PPM1M: variants seen among roughly 807,000 people sequenced by gnomAD.
The protein encoded by PPM1M is protein phosphatase 1M.
PPM1M carries 44 observed loss-of-function variants against 50.8 expected under a neutral mutation model. That is an observed-to-expected ratio of 0.87 (90% CI 0.68 to 1.11). The LOEUF (loss-of-function observed/expected upper bound fraction) is 1.11, where lower values mean the gene tolerates loss of function less well. PPM1M is among the 50% of genes most tolerant of loss of function. PPM1M has a pLI of 0.00. For missense variants in PPM1M, 556 were observed against 593.4 expected (o/e 0.94, Z 0.66); for synonymous variants, 224 against 242.9 (o/e 0.92, Z 0.72).
chr3:52,247,249 T>TG, intron 3 of PPM1M, 21 bp downstream of exon 3: 5 of 1,595,032 alleles, frequency 3.1e-6, no homozygotes, highest in Middle Eastern at 1.7e-4. Context: ...GGCTTTTGGC[T>TG]GGGGAAGAAG....
rs1199458189 is a variant in PPM1M at position 52,245,911 on chromosome 3, G to A, written c.87G>A (p.Val29=). The change falls in exon 1 of 10, where the codon GTG becomes GTA. Residue 29 remains valine, a synonymous_variant. Coordinates refer to ENST00000323588, the MANE Select transcript of PPM1M (RefSeq NM_144641.4). The surrounding 1 kb of genome is among the most constrained non-coding windows in gnomAD (Gnocchi z 4.8). The stretch of plus-strand genomic sequence containing the variant: ...CGCCTGGGCCGCATGCCAGCCCCGT[G>A]CCCTACCGACGGCCCCGCTTCCTTC... ...PRPPGPHASP[V]PYRRPRFLRG... is the part of the protein sequence containing the mutation. 2.8e-5 allele frequency: 34 copies of A among 1,229,670 alleles called. No homozygotes were observed. The highest frequency in any genetic ancestry group is 3.3e-5 in the Non-Finnish European group (32 of 961,378). The allele number at this position is 1,229,670 out of a possible 1,614,324, so 76.2% of individuals were successfully genotyped here.
Position 52,249,918 on chromosome 3 carries a change from C to A in PPM1M, c.*104C>A. 3 of 1,013,932 alleles carry A rather than the reference C, an allele frequency of 3.0e-6. No individual in the cohort carries two copies. Among genetic ancestry groups the A allele is most frequent in the Non-Finnish European group, 4.4e-6 (3 of 684,558 alleles). The allele number at this position is 1,013,932 out of a possible 1,614,324, so 62.8% of individuals were successfully genotyped here. ...ATCCTGCCTGCCCTATCCCTAGCCA[C>A]CGCCCAGTGCTCTCACTATCCACCT... On this transcript the variant is annotated 3_prime_UTR_variant, in exon 10 of 10. Transcript: ENST00000323588.
intron 1 of PPM1M, chr3:52,246,441 G>A: frequency 1.1e-6 from 1 of 894,950 alleles, no homozygotes; most frequent in Non-Finnish European, 1.5e-6. Flanking sequence ...GGCAGGAATG[G>A]CAACCTACCC....
intron 2 of PPM1M, 65 bp from the exon 3 acceptor site, chr3:52,246,909 T>C (rs1044533200): frequency 4.6e-6 from 7 of 1,518,760 alleles, no homozygotes; most frequent in Non-Finnish European, 6.2e-6. Context: ...AGGTCCTAGT[T>C]AGGTTGCGTC....
At chr3:52,249,593 T>C in intron 9 of PPM1M, 77 bp from the exon 10 acceptor site, 1 of 1,589,366 alleles carries the variant, frequency 6.3e-7, no homozygotes, top group Non-Finnish European at 8.6e-7. Flanking sequence ...TCCAGCCTTG[T>C]GCAGTGAGTT....
At position 52,249,849 on chromosome 3, in the gene PPM1M, G is replaced by A; in HGVS notation, c.*35G>A. 1 of 1,590,846 alleles carries A rather than the reference G, an allele frequency of 6.3e-7. No homozygotes were observed. On this transcript the variant is annotated 3_prime_UTR_variant, in exon 10 of 10. Coordinates refer to ENST00000323588, the MANE Select transcript of PPM1M (RefSeq NM_144641.4). ...CACTGTATCCCAGAACTGCTCTAGTGCCCGGGTGTGGTCTGGGCATCCCTC... is the reference window on the plus strand; with the variant it reads ...CACTGTATCCCAGAACTGCTCTAGTACCCGGGTGTGGTCTGGGCATCCCTC...
At position 52,248,372 on chromosome 3, in the gene PPM1M, C is replaced by T. The variant is rs775126042; in HGVS notation, c.833C>T (p.Thr278Ile). 1 of 1,613,458 alleles carries T rather than the reference C, an allele frequency of 6.2e-7. No homozygotes were observed. Among genetic ancestry groups the T allele is most frequent in the South Asian group, 1.1e-5 (1 of 90,998 alleles). ...CCTGAGCTTCTGGCTGGTGAGTTCA[C>T]CCGACTGGAGTTCCCTCGGCGGCTG... ...VYPELLAGEF[T>I]RLEFPRRLKG... is the part of the protein sequence containing the mutation. The change falls in exon 6 of 10, where the codon ACC becomes ATC. Residue 278 changes from threonine (T) to isoleucine (I), a missense_variant. Coordinates refer to ENST00000323588, the MANE Select transcript of PPM1M (RefSeq NM_144641.4).
chr3:52,248,316 C>G lies in PPM1M; in HGVS notation c.796-19C>G, dbSNP rs371120566. 4.4e-6 allele frequency: 7 copies of G among 1,605,228 alleles called. No individual in the cohort carries two copies. The Admixed American group carries it at 1.2e-4, about 27-fold the overall frequency. Reference sequence around the variant, plus strand: ...GCCATAAGAAGGAGTATGACCTGAGCGCAGCCTCCCCACCCCAGGCCTTTG... The same window carrying G: ...GCCATAAGAAGGAGTATGACCTGAGGGCAGCCTCCCCACCCCAGGCCTTTG... On this transcript the variant is annotated intron_variant, in intron 5 of 9. Transcript: ENST00000323588.
chr3:52,248,657 A>G lies in PPM1M; in HGVS notation c.935A>G (p.Lys312Arg), dbSNP rs760285460. 4 of 1,613,856 alleles carry G rather than the reference A, an allele frequency of 2.5e-6. No individual in the cohort carries two copies. The highest frequency in any genetic ancestry group is 3.4e-6 in the Non-Finnish European group (4 of 1,179,834). The change falls in exon 7 of 10, where the codon AAA becomes AGA. Residue 312 changes from lysine (K) to arginine (R), a missense_variant. Transcript: ENST00000323588. Reference protein sequence around the residue: ...MSGWSYKRVEKSDLKYPLIHG... With the variant: ...MSGWSYKRVERSDLKYPLIHG... ...GGTAGGAGCTACAAACGTGTGGAGA[A>G]ATCGGATCTCAAGTACCCACTGATC...
intron 3 of PPM1M, 80 bp from the exon 4 acceptor site, chr3:52,247,602 T>G: frequency 1.1e-6 from 1 of 938,838 alleles, no homozygotes; most frequent in Non-Finnish European, 1.7e-6. Flanking sequence ...AAGTGAACTG[T>G]AGGGTAGGGT....
At position 52,249,263 on chromosome 3, in the gene PPM1M, C is replaced by T. The variant is rs765680708; in HGVS notation, c.1176C>T (p.Asn392=). The T allele has an allele frequency of 1.3e-5, 21 of 1,613,624 alleles. No individual in the cohort carries two copies. The highest frequency in any genetic ancestry group is 5.3e-5 in the African/African-American group (4 of 74,920). ...ATGGACTCTGGGATGTACTGTCCAA[C>T]GAGCAGGTGGCATGGCTGGTGCGGA... is the stretch of plus-strand genomic sequence containing the variant. The part of the protein sequence containing the change: ...ATDGLWDVLS[N]EQVAWLVRSF... Residue 392 remains asparagine (N), a synonymous_variant, in exon 9 of 10, where the codon AAC becomes AAT. Coordinates refer to ENST00000323588, the MANE Select transcript of PPM1M (RefSeq NM_144641.4).
intron 6 of PPM1M, 91 bp from the exon 7 acceptor site, chr3:52,248,546 G>T: frequency 2.5e-6 from 4 of 1,584,680 alleles, no homozygotes; most frequent in Non-Finnish European, 3.5e-6. Flanking sequence ...TGGCAGGGTG[G>T]CACTGTGAGG....
intron 4 of PPM1M, 116 bp from the exon 5 acceptor site, chr3:52,248,037 G>C (rs1166843221): frequency 1.0e-6 from 1 of 953,890 alleles, no homozygotes; most frequent in African/African-American, 1.6e-5. Flanking sequence ...AGGGCTTTAA[G>C]GGATCATCAT....
Position 52,245,916 on chromosome 3 carries a change from A to G in PPM1M, c.92A>G (p.Tyr31Cys). 1 of 1,231,880 alleles carries G rather than the reference A, an allele frequency of 8.1e-7. No individual in the cohort carries two copies. The highest frequency in any genetic ancestry group is 1.0e-6 in the Non-Finnish European group (1 of 962,502). 76.3% of individuals were successfully genotyped at this position (1,231,880 alleles called of 1,614,324 possible). ...PPGPHASPVP[Y>C]RRPRFLRGSS... ...GGGCCGCATGCCAGCCCCGTGCCCT[A>G]CCGACGGCCCCGCTTCCTTCGCGGC... is the stretch of plus-strand genomic sequence containing the variant. Residue 31 changes from tyrosine to cysteine, a missense_variant, in exon 1 of 10, where the codon TAC becomes TGC. Coordinates refer to ENST00000323588, the MANE Select transcript of PPM1M (RefSeq NM_144641.4). The surrounding 1 kb of genome is among the most constrained non-coding windows in gnomAD (Gnocchi z 4.8).
At position 52,248,143 on chromosome 3, in the gene PPM1M, C is replaced by A; in HGVS notation, c.711-10C>A. 6.2e-7 allele frequency: 1 copy of A among 1,606,092 alleles called. No homozygotes were observed. The highest frequency in any genetic ancestry group is 2.2e-5 in the East Asian group (1 of 44,486). On this transcript the variant is annotated splice_polypyrimidine_tract_variant and intron_variant, in intron 4 of 9. Coordinates refer to ENST00000323588, the MANE Select transcript of PPM1M (RefSeq NM_144641.4). ...TCCTCCTAGACCTCTCCCTTCTCTC[C>A]TCAATCCAGGGCCATCTTGGTGCGG...
At position 52,245,975 on chromosome 3, in the gene PPM1M, C is replaced by T; in HGVS notation, c.151C>T (p.Arg51Cys). Residue 51 changes from arginine to cysteine, a missense_variant, in exon 1 of 10, where the codon CGC (arginine) becomes TGC (cysteine). Arg to Cys is a radical substitution (Grantham distance 180). Coordinates refer to ENST00000323588, the MANE Select transcript of PPM1M (RefSeq NM_144641.4). The surrounding 1 kb of genome is among the most constrained non-coding windows in gnomAD (Gnocchi z 4.8). ...SSSPGAADAS[R>C]RPDSRPVRSP... Reference sequence around the variant, plus strand: ...CAGCCCCGGGGCGGCCGACGCCTCGCGCCGCCCAGACTCCCGGCCCGTGCG... The same window carrying T: ...CAGCCCCGGGGCGGCCGACGCCTCGTGCCGCCCAGACTCCCGGCCCGTGCG... 8.0e-7 allele frequency: 1 copy of T among 1,249,694 alleles called. No homozygotes were observed. Among genetic ancestry groups the T allele is most frequent in the Non-Finnish European group, 1.0e-6 (1 of 970,862 alleles). The allele number at this position is 1,249,694 out of a possible 1,614,324, so 77.4% of individuals were successfully genotyped here.
rs1391208564 is a variant in PPM1M, at chr3:52,247,795, G to C, written c.710+1G>C. ...ACATGGCCAATGCTGGGGATAGCAG[G>C]TGAGTCACCCCTTGGAGGGTGGGCA... is the stretch of plus-strand genomic sequence containing the variant. On this transcript the variant is annotated splice_donor_variant, in intron 4 of 9. Transcript: ENST00000323588. LOFTEE classifies it high-confidence loss of function. The C allele has an allele frequency of 3.8e-6, 5 of 1,332,468 alleles. No homozygotes were observed. The highest frequency in any genetic ancestry group is 5.2e-6 in the Non-Finnish European group (5 of 958,700). The allele number at this position is 1,332,468 out of a possible 1,614,324, so 82.5% of individuals were successfully genotyped here.
In PPM1M at chr3:52,247,582, C is replaced by T; in HGVS notation, c.598-100C>T. 3 of 822,220 alleles carry T rather than the reference C, an allele frequency of 3.6e-6. No homozygotes were observed. The South Asian group carries it at 4.7e-5, about 13-fold the overall frequency. 50.9% of individuals were successfully genotyped at this position (822,220 alleles called of 1,614,324 possible). ...GGACTTTGGGCTGGGACTGTCAGGC[C>T]TGCTGGTAGAAGTGAACTGTAGGGT... On this transcript the variant is annotated intron_variant, in intron 3 of 9. Coordinates refer to ENST00000323588, the MANE Select transcript of PPM1M (RefSeq NM_144641.4).
rs762481256 is a variant in PPM1M at position 52,248,425 on chromosome 3, T to C, written c.886T>C (p.Leu296=). 5 of 1,613,666 alleles carry C rather than the reference T, an allele frequency of 3.1e-6. No homozygotes were observed. In the Admixed American group the frequency reaches 8.3e-5, roughly 27 times the overall value. ...GGGGGATGACTTGGGACAGAAGGTT[T>C]TGTTCAGGGATCACCACATGAGTGG... The part of the protein sequence containing the change: ...LKGDDLGQKV[L]FRDHHMSGWS... Residue 296 remains leucine (L), a synonymous_variant, in exon 6 of 10, where the codon TTG becomes CTG. Transcript: ENST00000323588.
Sources: gnomAD v4.1 joint callset for allele counts on GRCh38, gnomAD v4.1.1 for gene constraint, Gnocchi (gnomAD v3.1) non-coding constraint, MANE v1.5 for transcripts, NCBI Gene and HGNC (gene_info 2026-07-23, HGNC 2026-07-21) for gene names.